EPHA6: variants seen among roughly 807,000 people sequenced by gnomAD.
The protein encoded by EPHA6 is ephrin type-A receptor 6.
A neutral mutation model predicts 112.0 loss-of-function variants in EPHA6; 50 were observed. The observed-to-expected ratio is 0.45, with a 90% CI of 0.36 to 0.56. The LOEUF (loss-of-function observed/expected upper bound fraction) is 0.56. Ranked by LOEUF, EPHA6 falls within the 20% of genes least tolerant of loss-of-function variation. The probability of loss-of-function intolerance (pLI) is 0.00; values close to 1 mark genes in which losing one functional copy is unlikely to be tolerated. For missense variants in EPHA6, 1,280 were observed against 1,417.4 expected (o/e 0.90, Z 1.56); for synonymous variants, 529 against 490.7 (o/e 1.08, Z -1.03).
intron 3 of EPHA6, among the ~76,000 whole-genome samples, chr3:97,051,916 G>T (rs1030162878): frequency 6.6e-6 from 1 of 152,100 alleles, no homozygotes; most frequent in East Asian, 1.9e-4. Flanking sequence ...TACTCGATCC[G>T]CTAGCCATAT....
chr3:97,429,976 C>T (rs1002468214), intron 6 of EPHA6, among the ~76,000 whole-genome samples: 5 of 152,174 alleles, frequency 3.3e-5, no homozygotes, highest in African/African-American at 9.7e-5. Flanking sequence ...TATGGCCCTC[C>T]GTGGGCTTAC....
At chr3:97,656,656 G>A (rs1157264700) in intron 14 of EPHA6, among the ~76,000 whole-genome samples, 1 of 151,764 alleles carries the variant, frequency 6.6e-6, no homozygotes, top group East Asian at 1.9e-4. Flanking sequence ...TTACTGATCA[G>A]GCTTATATAG....
chr3:96,898,107 A>G (rs1163356127), intron 2 of EPHA6, among the ~76,000 whole-genome samples: 1 of 152,180 alleles, frequency 6.6e-6, no homozygotes, highest in Non-Finnish European at 1.5e-5. Flanking sequence ...TTTGTTGCAA[A>G]TATTACTGAA....
At chr3:96,922,282 A>C (rs1207661373) in intron 2 of EPHA6, among the ~76,000 whole-genome samples, 1 of 152,156 alleles carries the variant, frequency 6.6e-6, no homozygotes, top group African/African-American at 2.4e-5. Flanking sequence ...ATTAGAAACC[A>C]CTGTTTTTCA....
chr3:97,722,572 G>A (rs560033134), intron 15 of EPHA6, among the ~76,000 whole-genome samples: 24 of 152,192 alleles, frequency 1.6e-4, no homozygotes, highest in African/African-American at 2.4e-4. Context: ...AGCTCCTCAC[G>A]TAGGGCCAGT....
chr3:96,932,120 C>T (rs970170261), intron 2 of EPHA6, among the ~76,000 whole-genome samples: 2 of 152,100 alleles, frequency 1.3e-5, no homozygotes, highest in East Asian at 1.9e-4. Flanking sequence ...GGTTCCTTGG[C>T]TGTATTCCAG....
At chr3:97,299,897 G>A (rs1035855856) in intron 5 of EPHA6, among the ~76,000 whole-genome samples, 10 of 152,132 alleles carry the variant, frequency 6.6e-5, no homozygotes, top group African/African-American at 1.9e-4. Flanking sequence ...TTAGAGAATA[G>A]GGTGGTTTAA....
chr3:97,485,408 C>T (rs992561457), intron 10 of EPHA6, among the ~76,000 whole-genome samples: 5 of 152,160 alleles, frequency 3.3e-5, no homozygotes, highest in Non-Finnish European at 5.9e-5. Flanking sequence ...GTTACATACT[C>T]ATGAAGCTAA....
At chr3:96,923,699 G>T (rs992734545) in intron 2 of EPHA6, among the ~76,000 whole-genome samples, 1 of 152,056 alleles carries the variant, frequency 6.6e-6, no homozygotes, top group African/African-American at 2.4e-5. Context: ...TGAAATATTT[G>T]CTTGAGCCTG....
At chr3:96,817,801 G>T (rs1169538093) in intron 1 of EPHA6, among the ~76,000 whole-genome samples, 4 of 151,758 alleles carry the variant, frequency 2.6e-5, no homozygotes, top group African/African-American at 9.7e-5. Context: ...AAGGTAAAAT[G>T]ATGATGATAA....
intron 5 of EPHA6, among the ~76,000 whole-genome samples, chr3:97,326,332 A>G (rs2082420748): frequency 6.6e-6 from 1 of 151,896 alleles, no homozygotes; most frequent in Non-Finnish European, 1.5e-5. Context: ...ATGCAATAGT[A>G]GAGTAGTTTA....
chr3:96,840,833 A>C (rs917097549), intron 1 of EPHA6, among the ~76,000 whole-genome samples: 1 of 152,116 alleles, frequency 6.6e-6, no homozygotes, highest in Non-Finnish European at 1.5e-5. Context: ...TTACTGTGGC[A>C]ATGGAGTTGA....
At chr3:97,099,394 A>G (rs2047338871) in intron 3 of EPHA6, among the ~76,000 whole-genome samples, 1 of 151,938 alleles carries the variant, frequency 6.6e-6, no homozygotes. Context: ...AATATTGCAT[A>G]TAATTTGTCT....
chr3:97,094,838 T>C (rs1004108010), intron 3 of EPHA6, among the ~76,000 whole-genome samples: 7 of 152,098 alleles, frequency 4.6e-5, no homozygotes, highest in Non-Finnish European at 8.8e-5. Context: ...ACTGCTGAAA[T>C]GTTAAAGAGT....
chr3:96,821,488 T>C (rs1338027515), intron 1 of EPHA6, among the ~76,000 whole-genome samples: 4 of 151,906 alleles, frequency 2.6e-5, no homozygotes, highest in Non-Finnish European at 5.9e-5. Flanking sequence ...TTATAAATTC[T>C]CTAAAACAAA....
chr3:97,171,406 G>C (rs377598334), intron 3 of EPHA6, among the ~76,000 whole-genome samples: 123 of 152,140 alleles, frequency 8.1e-4, no homozygotes, highest in South Asian at 2.5e-3. Flanking sequence ...TAGAATCTAG[G>C]GGGGAGGAAG....
At chr3:97,726,503 T>C (rs1468872924) in intron 15 of EPHA6, among the ~76,000 whole-genome samples, 1 of 152,138 alleles carries the variant, frequency 6.6e-6, no homozygotes, top group Non-Finnish European at 1.5e-5. Context: ...ATACCGTTAC[T>C]ATATTTCTTA....
At chr3:97,311,086 G>A (rs2081538186) in intron 5 of EPHA6, among the ~76,000 whole-genome samples, 1 of 151,526 alleles carries the variant, frequency 6.6e-6, no homozygotes, top group Admixed American at 6.6e-5. Flanking sequence ...GTAAGTTAGT[G>A]TTTTTTGCAA....
chr3:97,310,555 CA>C (rs34719068), intron 5 of EPHA6, among the ~76,000 whole-genome samples: 33,841 of 144,800 alleles, frequency 0.23, 8,889 homozygotes, highest in African/African-American at 0.63. Context: ...TGATTATAGG[CA>C]AAAAAAAAAG....
Sources: allele counts gnomAD v4.1 joint callset (sites outside exome capture counted in the v4.1 genomes callset), GRCh38; gene constraint gnomAD v4.1.1; transcripts MANE v1.5; gene names NCBI Gene and HGNC (gene_info 2026-07-23, HGNC 2026-07-21).